The following PLCB1 variants were observed in gnomAD, a reference collection of about 807,000 sequenced individuals.
The protein encoded by PLCB1 is phospholipase C beta 1, also known as 1-phosphatidylinositol 4,5-bisphosphate phosphodiesterase beta-1.
A neutral mutation model predicts 161.8 loss-of-function variants in PLCB1; 46 were observed. The ratio of observed to expected loss-of-function variants is 0.28; its 90% CI spans 0.22 to 0.36. The LOEUF (loss-of-function observed/expected upper bound fraction) is 0.36, where lower values mean the gene tolerates loss of function less well. Among genes scored for constraint, PLCB1 ranks in the 10% least tolerant of loss-of-function variants. The probability of loss-of-function intolerance (pLI) is 1.00; values close to 1 mark genes in which losing one functional copy is unlikely to be tolerated. For synonymous variants in PLCB1, 517 were observed against 503.7 expected (o/e 1.03, Z -0.35); for missense variants, 1,016 against 1,472.5 (o/e 0.69, Z 5.07).
intron 3 of PLCB1, among the ~76,000 whole-genome samples, chr20:8,579,741 C>T (rs907357276): frequency 4.0e-5 from 6 of 151,886 alleles, no homozygotes; most frequent in African/African-American, 1.5e-4. Context: ...CACTAAGAAC[C>T]AGGTGACTAT....
At chr20:8,853,865 C>T (rs376445682) in intron 31 of PLCB1, among the ~76,000 whole-genome samples, 78 of 152,296 alleles carry the variant, frequency 5.1e-4, no homozygotes, top group African/African-American at 1.8e-3. Context: ...AGCTTCAAAG[C>T]GTTATTCAAC....
intron 2 of PLCB1, among the ~76,000 whole-genome samples, chr20:8,157,921 G>A (rs185378831): frequency 6.6e-6 from 1 of 152,262 alleles, no homozygotes; most frequent in Admixed American, 6.5e-5. Flanking sequence ...TGTAACCAGA[G>A]TTTAGAAACA....
At chr20:8,250,747 G>A (rs1190556028) in intron 2 of PLCB1, among the ~76,000 whole-genome samples, 1 of 151,914 alleles carries the variant, frequency 6.6e-6, no homozygotes, top group African/African-American at 2.4e-5. Context: ...CAGGTCAGGG[G>A]GCAAGAGCCA....
At chr20:8,226,217 T>C (rs544254756) in intron 2 of PLCB1, among the ~76,000 whole-genome samples, 2 of 152,192 alleles carry the variant, frequency 1.3e-5, no homozygotes, top group Non-Finnish European at 1.5e-5. Context: ...CACTGTGAAC[T>C]CTGGCCCCAA....
chr20:8,566,606 T>G (rs1049013546), intron 3 of PLCB1, among the ~76,000 whole-genome samples: 9 of 152,148 alleles, frequency 5.9e-5, no homozygotes, highest in African/African-American at 1.7e-4. Flanking sequence ...TTTTGCTTGG[T>G]TGGTAATCAT....
chr20:8,717,733 TAAG>T lies in PLCB1; in HGVS notation c.1404_1406del (p.Lys469del), dbSNP rs1173599739. The T allele has an allele frequency of 6.2e-7, 1 of 1,613,418 alleles. No homozygotes were observed. The highest frequency in any genetic ancestry group is 1.7e-5 in the Admixed American group (1 of 59,914). ...TAATGTATAAAATTTTGGTGAAAAA[TAAG>T]AAGAAATCACACAAGTCATCAGAAG... On this transcript the variant is annotated inframe_deletion, in exon 14 of 32. Coordinates refer to ENST00000338037, the MANE Select transcript of PLCB1 (RefSeq NM_015192.4).
rs1985778367 is a variant in PLCB1, at chr20:8,551,602, C to A, written c.247-76692C>A. On this transcript the variant is annotated intron_variant, in intron 3 of 31. Coordinates refer to ENST00000338037, the MANE Select transcript of PLCB1 (RefSeq NM_015192.4). ...TTTGCATGCTGGAGAGTGAGCTCTTCCAGAGGCAGCCCTCAAACCATGATC... is the reference window on the plus strand; with the variant it reads ...TTTGCATGCTGGAGAGTGAGCTCTTACAGAGGCAGCCCTCAAACCATGATC... Among the ~76,000 whole-genome samples the A allele has an allele frequency of 2.0e-5, 3 of 152,220 alleles. No individual in the cohort carries two copies. In the South Asian group the frequency reaches 6.2e-4, roughly 32 times the overall value.
At chr20:8,475,521 G>A (rs1330090727) in intron 3 of PLCB1, among the ~76,000 whole-genome samples, 1 of 152,218 alleles carries the variant, frequency 6.6e-6, no homozygotes, top group Non-Finnish European at 1.5e-5. Flanking sequence ...GAGGCACAGA[G>A]GAGTTCAGCC....
rs939511920 is a variant in PLCB1 at position 8,752,146 on chromosome 20, T to G, written c.2524-4900T>G. 10 of 152,326 alleles carry G rather than the reference T, an allele frequency of 6.6e-5. No individual in the cohort carries two copies. In the South Asian group the frequency reaches 1.7e-3, roughly 25 times the overall value. 9.4% of individuals were successfully genotyped at this position (152,326 alleles called of 1,614,324 possible). A position where few individuals can be genotyped will look rare whatever the true frequency, so the allele number is the denominator to read the frequency against. ...TAGTTCTTTGAGAATTATGTTTACA[T>G]GTAGACATCTCTATCTCAGCAGCAA... On this transcript the variant is annotated intron_variant, in intron 23 of 31. Transcript: ENST00000338037.
rs555679982 is a variant in PLCB1 at position 8,432,386 on chromosome 20, CCT to C, written c.246+60937_246+60938del. On this transcript the variant is annotated intron_variant, in intron 3 of 31. Transcript: ENST00000338037. The stretch of plus-strand genomic sequence containing the variant: ...GAGTTTTTCCAAGGACCTCTTCCCA[CCT>C]GGCTGTCTCATCTCATTTTGTAAGG... Among the ~76,000 whole-genome samples, 223 of 152,294 alleles carry C rather than the reference CCT, an allele frequency of 1.5e-3. 1 individual carries two copies. Among genetic ancestry groups the C allele is most frequent in the Non-Finnish European group, 2.8e-3 (188 of 68,022 alleles).
intron 3 of PLCB1, among the ~76,000 whole-genome samples, chr20:8,465,726 C>T (rs1200710910): frequency 6.6e-6 from 1 of 151,910 alleles, no homozygotes; most frequent in African/African-American, 2.4e-5. Context: ...TGAAAAAATG[C>T]TCACCATCAC....
chr20:8,726,844 A>G (rs1979965273), intron 16 of PLCB1, among the ~76,000 whole-genome samples: 1 of 152,148 alleles, frequency 6.6e-6, no homozygotes, highest in South Asian at 2.1e-4. Context: ...TTTGAACCAA[A>G]AAAGTATATA....
intron 2 of PLCB1, among the ~76,000 whole-genome samples, chr20:8,163,695 C>A (rs2051648045): frequency 6.6e-6 from 1 of 152,174 alleles, no homozygotes; most frequent in African/African-American, 2.4e-5. Flanking sequence ...GGCCGACATA[C>A]CCCCATGGCC....
intron 3 of PLCB1, among the ~76,000 whole-genome samples, chr20:8,467,498 A>G (rs1179476594): frequency 1.3e-5 from 2 of 152,164 alleles, no homozygotes; most frequent in African/African-American, 2.4e-5. Flanking sequence ...CTAACAGTCA[A>G]GTTAAGCTAT....
intron 7 of PLCB1, 28 bp downstream of exon 7, chr20:8,649,477 G>C: frequency 6.6e-7 from 1 of 1,511,688 alleles, no homozygotes; most frequent in Non-Finnish European, 9.2e-7. Flanking sequence ...GCTATAGTTT[G>C]AATGTTCAGC....
At chr20:8,440,314 T>A (rs535901263) in intron 3 of PLCB1, among the ~76,000 whole-genome samples, 10 of 152,218 alleles carry the variant, frequency 6.6e-5, no homozygotes, top group Non-Finnish European at 1.5e-4. Flanking sequence ...ATAGCTAGTA[T>A]TGATATGGGT....
intron 3 of PLCB1, among the ~76,000 whole-genome samples, chr20:8,443,100 T>G (rs1434856499): frequency 6.6e-6 from 1 of 151,620 alleles, no homozygotes; most frequent in Non-Finnish European, 1.5e-5. Context: ...CTGCCTCACC[T>G]TCTCGAGTAG....
rs552430258 is a variant in PLCB1, at chr20:8,862,618, T to A, written c.3424-19004T>A. On this transcript the variant is annotated intron_variant, in intron 31 of 31. Transcript: ENST00000338037. Reference sequence around the variant, plus strand: ...AGACTCAGAAAGAAATTGATTTTTTTAAATCTAAACATAGTTACTGGGTAA... The same window carrying A: ...AGACTCAGAAAGAAATTGATTTTTTAAAATCTAAACATAGTTACTGGGTAA... Among the ~76,000 whole-genome samples, 5 of 152,332 alleles carry A rather than the reference T, an allele frequency of 3.3e-5. No individual in the cohort carries two copies. In the East Asian group the frequency reaches 7.7e-4, roughly 24 times the overall value.
At chr20:8,870,205 C>T (rs548675818) in intron 31 of PLCB1, among the ~76,000 whole-genome samples, 1 of 152,280 alleles carries the variant, frequency 6.6e-6, no homozygotes, top group Admixed American at 6.5e-5. Context: ...GGTCCTGGTC[C>T]TGGTTTTGCT....
Sources: allele counts gnomAD v4.1 joint callset (sites outside exome capture counted in the v4.1 genomes callset), GRCh38; gene constraint gnomAD v4.1.1; transcripts MANE v1.5; gene names NCBI Gene and HGNC (gene_info 2026-07-23, HGNC 2026-07-21).